The following RBFOX2 variants were observed in gnomAD, a reference collection of about 807,000 sequenced individuals.
RBFOX2 encodes the protein RNA binding protein fox-1 homolog 2.
Under a neutral mutation model 49.1 loss-of-function variants are expected in RBFOX2, and 10 were observed. The ratio of observed to expected loss-of-function variants is 0.20; its 90% CI spans 0.13 to 0.35. The LOEUF is 0.35. Ranked by LOEUF, RBFOX2 falls within the 10% of genes least tolerant of loss-of-function variation. The pLI is 1.00. For synonymous variants in RBFOX2, 183 were observed against 187.4 expected (o/e 0.98, Z 0.19); for missense variants, 323 against 486.9 (o/e 0.66, Z 3.17).
intron 9 of RBFOX2, 123 bp from the exon 11 acceptor site, chr22:35,756,267 C>T (rs1320157055): frequency 1.2e-6 from 1 of 807,284 alleles, no homozygotes. Context: ...GAATACATAA[C>T]CTGGGCTTGG....
At chr22:36,012,563 C>T (rs971062792) in intron 1 of RBFOX2, among the ~76,000 whole-genome samples, 7 of 151,946 alleles carry the variant, frequency 4.6e-5, no homozygotes, top group Non-Finnish European at 1.0e-4. Flanking sequence ...CTGAGTGATG[C>T]ACTCCAGCCT....
chr22:35,914,643 AAAC>A (rs2149535429), intron 1 of RBFOX2, among the ~76,000 whole-genome samples: 1 of 152,330 alleles, frequency 6.6e-6, no homozygotes, highest in Admixed American at 6.5e-5. Context: ...CCTAAGAGTT[AAAC>A]ATTCAGTCTC....
At chr22:36,021,678 C>T (rs1046500698) in intron 1 of RBFOX2, among the ~76,000 whole-genome samples, 3 of 152,244 alleles carry the variant, frequency 2.0e-5, no homozygotes, top group Non-Finnish European at 4.4e-5. Context: ...GCTGACTGCT[C>T]ATTCTCTTGA....
chr22:35,752,513 G>C (rs1486174338), intron 9 of RBFOX2: 1 of 677,556 alleles, frequency 1.5e-6, no homozygotes. Flanking sequence ...AAAAGCCTCT[G>C]TTCCCATCTC....
intron 1 of RBFOX2, among the ~76,000 whole-genome samples, chr22:35,877,948 G>A (rs888968670): frequency 6.6e-6 from 1 of 151,396 alleles, no homozygotes; most frequent in Non-Finnish European, 1.5e-5. Context: ...TAATAGCAGC[G>A]AATACACCAG....
chr22:35,876,291 T>C (rs2045076624), intron 1 of RBFOX2, among the ~76,000 whole-genome samples: 1 of 152,138 alleles, frequency 6.6e-6, no homozygotes, highest in South Asian at 2.1e-4. Flanking sequence ...AGTAGCACGA[T>C]CTCGGCTCTC....
Position 35,876,923 on chromosome 22 carries a change from A to G in RBFOX2, c.-34+61924T>C, listed in dbSNP as rs371552334. On this transcript the variant is annotated intron_variant, in intron 1 of 13. Transcript: ENST00000359369. ...TTACAAATAATGCCAATGTAATTAA[A>G]TAAGAGATACTTTTCCCCCAGATCA... 2.6e-5 allele frequency among the ~76,000 whole-genome samples: 4 copies of G among 152,362 alleles called. No individual in the cohort carries two copies. In the East Asian group the frequency reaches 7.7e-4, roughly 29 times the overall value.
intron 1 of RBFOX2, among the ~76,000 whole-genome samples, chr22:35,862,732 A>C (rs142494998): frequency 6.6e-6 from 1 of 152,198 alleles, no homozygotes; most frequent in African/African-American, 2.4e-5. Context: ...TCTTAGCTCC[A>C]TAACTTCTTA....
chr22:35,887,561 T>C (rs1173967926), intron 1 of RBFOX2, among the ~76,000 whole-genome samples: 1 of 152,178 alleles, frequency 6.6e-6, no homozygotes, highest in Non-Finnish European at 1.5e-5. Flanking sequence ...GCATCGGCCT[T>C]ACTCCCCATT....
chr22:35,836,813 CATTT>C (rs1231388308), intron 1 of RBFOX2, among the ~76,000 whole-genome samples: 1 of 152,228 alleles, frequency 6.6e-6, no homozygotes, highest in Non-Finnish European at 1.5e-5. Context: ...TTTGGCTAAA[CATTT>C]ATTTTTTACT....
chr22:35,993,154 C>G (rs1202711789), intron 1 of RBFOX2: 1 of 152,136 alleles, frequency 6.6e-6, no homozygotes. Flanking sequence ...AAAGCCCAAG[C>G]AAAGCTAAAT....
chr22:36,014,198 T>C (rs575552953), intron 1 of RBFOX2, among the ~76,000 whole-genome samples: 8 of 151,548 alleles, frequency 5.3e-5, no homozygotes, highest in African/African-American at 1.9e-4. Flanking sequence ...CGCGGCTCAC[T>C]GCAAGCTCCG....
chr22:35,863,472 C>A (rs1333326550), intron 1 of RBFOX2, among the ~76,000 whole-genome samples: 1 of 152,128 alleles, frequency 6.6e-6, no homozygotes, highest in Non-Finnish European at 1.5e-5. Flanking sequence ...AAAAAGGCGG[C>A]CAGGGTGTCT....
chr22:35,982,013 C>T (rs973725469), intron 1 of RBFOX2, among the ~76,000 whole-genome samples: 8 of 152,162 alleles, frequency 5.3e-5, no homozygotes, highest in African/African-American at 1.9e-4. Context: ...ATAATGGTAA[C>T]ACAAATAGCC....
chr22:35,882,550 T>G (rs1049409493), intron 1 of RBFOX2, among the ~76,000 whole-genome samples: 1 of 152,232 alleles, frequency 6.6e-6, no homozygotes, highest in East Asian at 1.9e-4. Flanking sequence ...ACAGCTTAAC[T>G]GTATGCTGAC....
intron 1 of RBFOX2, among the ~76,000 whole-genome samples, chr22:35,839,365 A>G (rs928647919): frequency 2.6e-5 from 4 of 151,976 alleles, no homozygotes; most frequent in Non-Finnish European, 4.4e-5. Flanking sequence ...TGCCTGGCAT[A>G]ACCAAAAAGA....
chr22:35,943,080 C>T (rs2053878377), upstream of RBFOX2, among the ~76,000 whole-genome samples: 1 of 152,212 alleles, frequency 6.6e-6, no homozygotes. Context: ...TGCCTCCAGA[C>T]TTAGGTCTTG....
intron 1 of RBFOX2, among the ~76,000 whole-genome samples, chr22:35,952,540 C>T (rs1308486873): frequency 6.6e-6 from 1 of 152,148 alleles, no homozygotes; most frequent in East Asian, 1.9e-4. Context: ...CTACTTGAAA[C>T]AGATTAGATT....
intron 1 of RBFOX2, among the ~76,000 whole-genome samples, chr22:35,976,341 C>T (rs1456655409): frequency 6.6e-6 from 1 of 152,018 alleles, no homozygotes; most frequent in African/African-American, 2.4e-5. Context: ...CCACCACCCC[C>T]CCCTCTTAAT....
Sources: gnomAD v4.1 joint callset for allele counts (sites outside exome capture counted in the v4.1 genomes callset) on GRCh38, gnomAD v4.1.1 for gene constraint, MANE v1.5 for transcripts, NCBI Gene and HGNC (gene_info 2026-07-23, HGNC 2026-07-21) for gene names.